NR2E1: variants seen among roughly 807,000 people sequenced by gnomAD.
NR2E1 encodes nuclear receptor subfamily 2 group E member 1, also known as nuclear receptor TLX.
NR2E1 carries 5 observed loss-of-function variants against 43.6 expected under a neutral mutation model. The ratio of observed to expected loss-of-function variants is 0.11; its 90% CI spans 0.06 to 0.24. The LOEUF is 0.24. Ranked by LOEUF, NR2E1 falls within the 10% of genes least tolerant of loss-of-function variation. The pLI is 1.00. For synonymous variants in NR2E1, 191 were observed against 195.5 expected (o/e 0.98, Z 0.19); for missense variants, 287 against 496.7 (o/e 0.58, Z 4.01).
chr6:108,166,899 A>AG lies in NR2E1; in HGVS notation c.25+112dup. 8.5e-7 allele frequency: 1 copy of AG among 1,180,626 alleles called. No homozygotes were observed. 73.1% of individuals were successfully genotyped at this position (1,180,626 alleles called of 1,614,324 possible). ...AGCGCTGCGAATCTGAGCCCCTGAG[A>AG]GGGATTCCAGCGGGCGTGTGCGTTC... On this transcript the variant is annotated intron_variant, in intron 1 of 8. Coordinates refer to ENST00000368986, the MANE Select transcript of NR2E1 (RefSeq NM_003269.5). This position sits in a 1 kb window ranked among gnomAD's most constrained non-coding sequence, Gnocchi z 7.2.
At position 108,168,272 on chromosome 6, in the gene NR2E1, A is replaced by C. The variant is rs550651961; in HGVS notation, c.25+1482A>C. 19 of 1,169,448 alleles carry C rather than the reference A, an allele frequency of 1.6e-5. No individual in the cohort carries two copies. The Admixed American group carries it at 4.4e-4, about 27-fold the overall frequency. The allele number at this position is 1,169,448 out of a possible 1,614,324, so 72.4% of individuals were successfully genotyped here. A position where few individuals can be genotyped will look rare whatever the true frequency, so the allele number is the denominator to read the frequency against. ...TCTGAGCCTCCGTTGCAAAAACTGA[A>C]GCCCGTGGGTCTCGGCAGGCCTCCT... On this transcript the variant is annotated intron_variant, in intron 1 of 8. Coordinates refer to ENST00000368986, the MANE Select transcript of NR2E1 (RefSeq NM_003269.5).
Position 108,181,569 on chromosome 6 carries a change from C to A in NR2E1, c.913C>A (p.Leu305Met), listed in dbSNP as rs949480379. ...KAVPTHSGSELRSFRNAAAIA... is the reference protein window; with the variant it reads ...KAVPTHSGSEMRSFRNAAAIA... ...AGTTCCTACACATAGTGGTTCTGAA[C>A]TGAGAAGTTTCCGGAATGCTGCCGC... The change falls in exon 8 of 9, where the codon CTG becomes ATG. Residue 305 changes from leucine (L) to methionine (M), a missense_variant. By Grantham distance (15) the Leu-to-Met change is conservative. Around this residue, in one of 4 missense-constraint regions of NR2E1, gnomAD observed 119 missense variants for 187.0 expected, o/e 0.64. Coordinates refer to ENST00000368986, the MANE Select transcript of NR2E1 (RefSeq NM_003269.5). 3 of 1,613,984 alleles carry A rather than the reference C, an allele frequency of 1.9e-6. No homozygotes were observed. In the African/African-American group the frequency reaches 4.0e-5, roughly 22 times the overall value.
In NR2E1 at chr6:108,180,453, G is replaced by A; in HGVS notation, c.739+34G>A. 1 of 1,377,844 alleles carries A rather than the reference G, an allele frequency of 7.3e-7. No homozygotes were observed. The allele number at this position is 1,377,844 out of a possible 1,614,324, so 85.4% of individuals were successfully genotyped here. A position where few individuals can be genotyped will look rare whatever the true frequency, so the allele number is the denominator to read the frequency against. ...TGCACAATTTAATGACTTTGTTGTA[G>A]AAATTACCATAAAAATACATTACTG... On this transcript the variant is annotated intron_variant, in intron 6 of 8. Coordinates refer to ENST00000368986, the MANE Select transcript of NR2E1 (RefSeq NM_003269.5). The surrounding 1 kb of genome is among the most constrained non-coding windows in gnomAD (Gnocchi z 5.4).
In NR2E1 at chr6:108,176,626, C is replaced by A. The variant is rs747949987; in HGVS notation, c.383C>A (p.Pro128Gln). ...AHFPSAALPA[P>Q]AFFTAVTQLE... The stretch of plus-strand genomic sequence containing the variant: ...TTTCCCTCGGCGGCGCTCCCTGCGC[C>A]GGCCTTCTTCACCGCGGTCACGCAG... Residue 128 changes from proline (P) to glutamine (Q), a missense_variant, in exon 4 of 9, where the codon CCG becomes CAG. By Grantham distance (76) the Pro-to-Gln change is moderately conservative (BLOSUM62 -1). This residue lies in a region of NR2E1 where 119 missense variants were observed against 155.7 expected (regional missense o/e 0.76). Transcript: ENST00000368986. The A allele has an allele frequency of 6.2e-7, 1 of 1,611,040 alleles. No individual in the cohort carries two copies. The highest frequency in any genetic ancestry group is 1.1e-5 in the South Asian group (1 of 90,978).
At chr6:108,167,209 T>C (rs1052418219) in intron 1 of NR2E1, among the ~76,000 whole-genome samples, 3 of 152,308 alleles carry the variant, frequency 2.0e-5, no homozygotes, top group African/African-American at 7.2e-5. Flanking sequence ...GGATTTTGAA[T>C]GGAATGCTTT....
In NR2E1 at chr6:108,188,577, T is replaced by G. The variant is rs1401905452; in HGVS notation, c.*1114T>G. 1 of 151,418 alleles carries G rather than the reference T, an allele frequency of 6.6e-6. No homozygotes were observed. The highest frequency in any genetic ancestry group is 2.4e-5 in the African/African-American group (1 of 40,996). The allele number at this position is 151,418 out of a possible 1,614,324, so 9.4% of individuals were successfully genotyped here. A position where few individuals can be genotyped will look rare whatever the true frequency, so the allele number is the denominator to read the frequency against. ...CCGTCCTACACTTTAAGCTGCTCCT[T>G]TGGTATGACTCTATACTTATGGAAA... On this transcript the variant is annotated 3_prime_UTR_variant, in exon 9 of 9. Transcript: ENST00000368986.
At chr6:108,181,155 T>G (rs1773978881) in intron 7 of NR2E1, among the ~76,000 whole-genome samples, 199 bp downstream of exon 7, 2 of 152,130 alleles carry the variant, frequency 1.3e-5, no homozygotes, top group Non-Finnish European at 2.9e-5. Context: ...GAGAGGTGCA[T>G]TCCCAGACCC....
chr6:108,187,234 A>C, intron 8 of NR2E1, 67 bp from the exon 9 acceptor site: 1 of 1,541,364 alleles, frequency 6.5e-7, no homozygotes, highest in East Asian at 2.2e-5. Flanking sequence ...TGTGTGTTCA[A>C]GTGTAAGACG....
Position 108,180,671 on chromosome 6 carries a change from T to C in NR2E1, c.740-136T>C. On this transcript the variant is annotated intron_variant, in intron 6 of 8. Coordinates refer to ENST00000368986, the MANE Select transcript of NR2E1 (RefSeq NM_003269.5). The surrounding 1 kb of genome is among the most constrained non-coding windows in gnomAD (Gnocchi z 5.4). ...ATTTTATATTAACTTTCATACAATA[T>C]AGCCGGTTTACATGGAATCAGATAT... 1.2e-6 allele frequency: 1 copy of C among 859,494 alleles called. No individual in the cohort carries two copies. The highest frequency in any genetic ancestry group is 1.5e-5 in the South Asian group (1 of 66,622). The allele number at this position is 859,494 out of a possible 1,614,324, so 53.2% of individuals were successfully genotyped here.
Position 108,166,844 on chromosome 6 carries a change from A to G in NR2E1, c.25+54A>G. The G allele has an allele frequency of 6.4e-7, 1 of 1,552,560 alleles. No individual in the cohort carries two copies. On this transcript the variant is annotated intron_variant, in intron 1 of 8. Coordinates refer to ENST00000368986, the MANE Select transcript of NR2E1 (RefSeq NM_003269.5). The surrounding 1 kb of genome is among the most constrained non-coding windows in gnomAD (Gnocchi z 7.2). ...CTAGGCGCGCAGCCTGGGGCGAGCG[A>G]GCGGGGAGGCTGGGGGAGGTCCTGC...
At position 108,169,180 on chromosome 6, in the gene NR2E1, A is replaced by G. The variant is rs751006441; in HGVS notation, c.26-2278A>G. ...GAGGCACAGGCCCGCTATGCCCCGGAATTTTCGCGTCCCTCCCTCCTGGGC... is the reference window on the plus strand; with the variant it reads ...GAGGCACAGGCCCGCTATGCCCCGGGATTTTCGCGTCCCTCCCTCCTGGGC... On this transcript the variant is annotated intron_variant, in intron 1 of 8. Transcript: ENST00000368986. This position sits in a 1 kb window ranked among gnomAD's most constrained non-coding sequence, Gnocchi z 6.1. 9.9e-4 allele frequency among the ~76,000 whole-genome samples: 151 copies of G among 152,098 alleles called. No individual in the cohort carries two copies. The highest frequency in any genetic ancestry group is 1.9e-3 in the Non-Finnish European group (130 of 67,966).
chr6:108,176,007 C>A (rs1198684705), intron 3 of NR2E1: 6 of 159,376 alleles, frequency 3.8e-5, no homozygotes, highest in African/African-American at 1.2e-4. Context: ...CTGCGGCCCT[C>A]GGAGGCCAAA....
At position 108,169,356 on chromosome 6, in the gene NR2E1, A is replaced by C. The variant is rs937036015; in HGVS notation, c.26-2102A>C. 2.6e-5 allele frequency among the ~76,000 whole-genome samples: 4 copies of C among 152,182 alleles called. No individual in the cohort carries two copies. The highest frequency in any genetic ancestry group is 5.9e-5 in the Non-Finnish European group (4 of 68,032). ...ATCCGAGGAGGGGCCCCCACCCTGC[A>C]CTGGTCTTCCCTCCACCCTCATCGG... On this transcript the variant is annotated intron_variant, in intron 1 of 8. Coordinates refer to ENST00000368986, the MANE Select transcript of NR2E1 (RefSeq NM_003269.5). The surrounding 1 kb of genome is among the most constrained non-coding windows in gnomAD (Gnocchi z 6.1).
Position 108,187,923 on chromosome 6 carries a change from T to A in NR2E1, c.*460T>A, listed in dbSNP as rs1236632656. ...GTTGGAGCATTTATTTTAAAAATAA[T>A]GGTAGGTTTTAAATTAAAAGTGTTA... is the stretch of plus-strand genomic sequence containing the variant. On this transcript the variant is annotated 3_prime_UTR_variant, in exon 9 of 9. Transcript: ENST00000368986. 1 of 185,990 alleles carries A rather than the reference T, an allele frequency of 5.4e-6. No individual in the cohort carries two copies. Among genetic ancestry groups the A allele is most frequent in the Non-Finnish European group, 1.2e-5 (1 of 86,538 alleles). The allele number at this position is 185,990 out of a possible 1,614,324, so 11.5% of individuals were successfully genotyped here. A position where few individuals can be genotyped will look rare whatever the true frequency, so the allele number is the denominator to read the frequency against.
intron 5 of NR2E1, chr6:108,179,243 G>A (rs1246195059): frequency 6.6e-6 from 1 of 151,914 alleles, no homozygotes; most frequent in African/African-American, 2.4e-5. Flanking sequence ...ATTAAATATT[G>A]TTTACCTTGC....
chr6:108,183,995 C>T (rs543727545), intron 8 of NR2E1, among the ~76,000 whole-genome samples: 368 of 152,218 alleles, frequency 2.4e-3, no homozygotes, highest in Non-Finnish European at 2.8e-3. Flanking sequence ...GAGTTCAACA[C>T]CAGCCTGGCC....
chr6:108,181,519 TCA>T, intron 7 of NR2E1, 25 bp from the exon 8 acceptor site: 1 of 1,577,110 alleles, frequency 6.3e-7, no homozygotes, highest in South Asian at 1.1e-5. Context: ...ATGCTGTCTA[TCA>T]CAGTTTCCTG....
chr6:108,170,161 A>C (rs1360342188), intron 1 of NR2E1, among the ~76,000 whole-genome samples: 2 of 151,836 alleles, frequency 1.3e-5, no homozygotes. Flanking sequence ...TCCCACCTCA[A>C]TCCCATCGTA....
At chr6:108,176,478 T>G in intron 3 of NR2E1, 25 bp from the exon 4 acceptor site, 2 of 1,608,442 alleles carry the variant, frequency 1.2e-6, no homozygotes, top group Non-Finnish European at 1.7e-6. Context: ...ATCGCCGGCA[T>G]GCGTTTCTCT....
Sources: gnomAD v4.1 joint callset for allele counts (sites outside exome capture counted in the v4.1 genomes callset) on GRCh38, gnomAD v4.1.1 for gene constraint, gnomAD v4.1.1 regional missense constraint, Gnocchi (gnomAD v3.1) non-coding constraint, MANE v1.5 for transcripts, NCBI Gene and HGNC (gene_info 2026-07-23, HGNC 2026-07-21) for gene names.